PIP4K2A: variants seen among roughly 807,000 people sequenced by gnomAD.
PIP4K2A encodes phosphatidylinositol-5-phosphate 4-kinase type 2 alpha, also known as phosphatidylinositol 5-phosphate 4-kinase type-2 alpha.
In PIP4K2A, 14 loss-of-function variants were observed where a neutral mutation model predicts 42.9. The ratio of observed to expected loss-of-function variants is 0.33; its 90% CI spans 0.22 to 0.51. The LOEUF is 0.51. Ranked by LOEUF, PIP4K2A falls within the 20% of genes least tolerant of loss-of-function variation. The pLI, the probability that PIP4K2A is intolerant of heterozygous loss-of-function variation, is 0.97. For synonymous variants in PIP4K2A, 192 were observed against 192.2 expected, an observed-to-expected ratio of 1.00 and a Z score of 0.01; for missense variants, 434 against 519.8, an observed-to-expected ratio of 0.83 and a Z score of 1.61.
At chr10:22,609,435 A>T (rs974606708) in intron 2 of PIP4K2A, among the ~76,000 whole-genome samples, 185 bp downstream of exon 2, 14 of 152,240 alleles carry the variant, frequency 9.2e-5, no homozygotes, top group Non-Finnish European at 1.8e-4. Context: ...ATGGCAAAGG[A>T]TATTATCCCA....
intron 3 of PIP4K2A, among the ~76,000 whole-genome samples, chr10:22,601,130 CAAAAAAAAAAA>C (rs1188396077): frequency 6.3e-4 from 20 of 31,926 alleles, no homozygotes; most frequent in South Asian, 4.9e-3. Flanking sequence ...GAGACTGTCT[CAAAAAAAAAAA>C]AAAAAAAAAA....
At chr10:22,713,301 C>A (rs1020055878) in intron 1 of PIP4K2A, among the ~76,000 whole-genome samples, 8 of 152,196 alleles carry the variant, frequency 5.3e-5, no homozygotes, top group Admixed American at 2.6e-4. Flanking sequence ...CCTTTCCACG[C>A]GTTCTCCAGC....
chr10:22,628,937 C>T (rs1197837517), intron 1 of PIP4K2A, among the ~76,000 whole-genome samples: 2 of 152,148 alleles, frequency 1.3e-5, no homozygotes, highest in African/African-American at 4.8e-5. Context: ...TGTCCAACCC[C>T]CTCTTCCATC....
At chr10:22,635,990 G>C (rs1297825875) in intron 1 of PIP4K2A, among the ~76,000 whole-genome samples, 1 of 152,210 alleles carries the variant, frequency 6.6e-6, no homozygotes, top group Non-Finnish European at 1.5e-5. Flanking sequence ...GTGGTTCTGA[G>C]GCTGAAAACA....
intron 1 of PIP4K2A, among the ~76,000 whole-genome samples, chr10:22,620,819 C>T (rs931378678): frequency 4.6e-5 from 7 of 152,208 alleles, no homozygotes; most frequent in African/African-American, 1.7e-4. Flanking sequence ...ACTTGGGAGA[C>T]ATTCCCACAA....
intron 1 of PIP4K2A, among the ~76,000 whole-genome samples, chr10:22,713,283 G>T (rs1833944081): frequency 6.6e-6 from 1 of 152,204 alleles, no homozygotes; most frequent in Non-Finnish European, 1.5e-5. Context: ...GACTGTGCGT[G>T]ACGCTAACCT....
chr10:22,632,135 AG>A (rs1263685685), intron 1 of PIP4K2A, among the ~76,000 whole-genome samples: 1 of 152,226 alleles, frequency 6.6e-6, no homozygotes, highest in Non-Finnish European at 1.5e-5. Flanking sequence ...GAAATAGTCC[AG>A]ATTAAAGGAG....
intron 1 of PIP4K2A, among the ~76,000 whole-genome samples, chr10:22,663,909 T>C (rs562417193): frequency 1.3e-4 from 20 of 150,486 alleles, no homozygotes; most frequent in Middle Eastern, 3.4e-3. Context: ...TAAATATCAC[T>C]GTATATACAT....
intron 4 of PIP4K2A, among the ~76,000 whole-genome samples, chr10:22,583,325 G>C (rs2130809897): frequency 6.6e-6 from 1 of 152,300 alleles, no homozygotes; most frequent in East Asian, 1.9e-4. Context: ...TGGTATAAAG[G>C]CAGGAAGGTT....
chr10:22,649,989 G>A (rs1838959626), intron 1 of PIP4K2A, among the ~76,000 whole-genome samples: 1 of 152,134 alleles, frequency 6.6e-6, no homozygotes, highest in Non-Finnish European at 1.5e-5. Flanking sequence ...GGTTCTATCT[G>A]CCTTCCTCAT....
intron 1 of PIP4K2A, among the ~76,000 whole-genome samples, chr10:22,631,275 G>A (rs1222943969): frequency 6.6e-6 from 1 of 152,296 alleles, no homozygotes; most frequent in East Asian, 1.9e-4. Context: ...AACCTCGAGT[G>A]TGACTTTGTT....
At chr10:22,559,216 T>C (rs560904616) in intron 6 of PIP4K2A, among the ~76,000 whole-genome samples, 1 of 152,328 alleles carries the variant, frequency 6.6e-6, no homozygotes, top group South Asian at 2.1e-4. Flanking sequence ...TAATTAAGAA[T>C]TACACATCTG....
intron 1 of PIP4K2A, among the ~76,000 whole-genome samples, chr10:22,612,935 G>A (rs1461090410): frequency 1.3e-5 from 2 of 152,132 alleles, no homozygotes; most frequent in African/African-American, 4.8e-5. Context: ...AGGAGTGGAT[G>A]AGGTAACCTG....
At chr10:22,656,036 C>G (rs1034107120) in intron 1 of PIP4K2A, among the ~76,000 whole-genome samples, 2 of 152,190 alleles carry the variant, frequency 1.3e-5, no homozygotes, top group African/African-American at 4.8e-5. Flanking sequence ...TCCTATCGAT[C>G]TGCTCTACGG....
intron 1 of PIP4K2A, 174 bp downstream of exon 1, chr10:22,714,009 C>A: frequency 3.2e-6 from 2 of 616,982 alleles, no homozygotes; most frequent in Non-Finnish European, 5.4e-6. Context: ...CTGGGCGGCC[C>A]AGAGGGCTGG....
At chr10:22,713,072 A>C (rs1228591793) in intron 1 of PIP4K2A, among the ~76,000 whole-genome samples, 1 of 152,160 alleles carries the variant, frequency 6.6e-6, no homozygotes, top group African/African-American at 2.4e-5. Context: ...ATGCTAAGTG[A>C]CTGCAGTGGC....
chr10:22,538,847 T>C (rs1050580910), intron 9 of PIP4K2A, among the ~76,000 whole-genome samples: 3 of 152,220 alleles, frequency 2.0e-5, no homozygotes, highest in Admixed American at 6.5e-5. Flanking sequence ...AGGAATACCA[T>C]AGCTATCGAC....
At chr10:22,538,011 T>C (rs1835980580) in intron 9 of PIP4K2A, among the ~76,000 whole-genome samples, 1 of 152,170 alleles carries the variant, frequency 6.6e-6, no homozygotes, top group South Asian at 2.1e-4. Flanking sequence ...GATTTTTCCA[T>C]GATGAGATGC....
Position 22,654,659 on chromosome 10 carries a change from C to T in PIP4K2A, c.145-44942G>A, listed in dbSNP as rs377479300. 1.6e-4 allele frequency among the ~76,000 whole-genome samples: 24 copies of T among 152,196 alleles called. No homozygotes were observed. In the East Asian group the frequency reaches 4.1e-3, roughly 26 times the overall value. ...GTGCATTCCCAAGAAAGGGTCTGGT[C>T]CAGCTGCTGGTCATGGTGGGGAAGC... On this transcript the variant is annotated intron_variant, in intron 1 of 9. Coordinates refer to ENST00000376573, the MANE Select transcript of PIP4K2A (RefSeq NM_005028.5).
Sources: gnomAD v4.1 joint callset for allele counts (sites outside exome capture counted in the v4.1 genomes callset) on GRCh38, gnomAD v4.1.1 for gene constraint, MANE v1.5 for transcripts, NCBI Gene and HGNC (gene_info 2026-07-23, HGNC 2026-07-21) for gene names.